GOSR1: variants seen among roughly 807,000 people sequenced by gnomAD.
The protein encoded by GOSR1 is 28 kDa Golgi SNARE protein.
A neutral mutation model predicts 35.5 loss-of-function variants in GOSR1; 21 were observed. The observed-to-expected ratio is 0.59, with a 90% CI of 0.42 to 0.85. The LOEUF is 0.85. Ranked by LOEUF, GOSR1 falls within the 40% of genes least tolerant of loss-of-function variation. The pLI is 0.00. For missense variants in GOSR1, 285 were observed against 309.6 expected (o/e 0.92, Z 0.60); for synonymous variants, 94 against 106.6 (o/e 0.88, Z 0.73).
chr17:30,485,128 A>G (rs1053020495), intron 4 of GOSR1: 1 of 332,090 alleles, frequency 3.0e-6, no homozygotes, highest in African/African-American at 2.1e-5. Flanking sequence ...CTTTGAAGAT[A>G]ATATGGAGGG....
intron 6 of GOSR1, chr17:30,495,435 G>T (rs1313145761): frequency 2.2e-6 from 1 of 455,998 alleles, no homozygotes; most frequent in African/African-American, 2.0e-5. Flanking sequence ...GAGGTTTTCA[G>T]TGGTGAAGAT....
intron 7 of GOSR1, among the ~76,000 whole-genome samples, chr17:30,514,258 A>G (rs1467872467): frequency 2.0e-5 from 3 of 152,112 alleles, no homozygotes; most frequent in Admixed American, 2.0e-4. Flanking sequence ...GATTCTCTAC[A>G]CCTCCAACAT....
At chr17:30,515,908 G>A (rs1050027937) in intron 7 of GOSR1, among the ~76,000 whole-genome samples, 38 of 152,268 alleles carry the variant, frequency 2.5e-4, no homozygotes, top group African/African-American at 7.7e-4. Context: ...AAACACATAG[G>A]AAATCAGGAC....
chr17:30,484,430 A>G (rs1366980630), intron 3 of GOSR1, 129 bp downstream of exon 3: 3 of 696,400 alleles, frequency 4.3e-6, no homozygotes, highest in Admixed American at 4.5e-5. Flanking sequence ...ACCTCCCCAC[A>G]CCACTTGAAT....
chr17:30,478,556 ACT>A (rs1914102334), intron 1 of GOSR1: 1 of 132,298 alleles, frequency 7.6e-6, no homozygotes, highest in Non-Finnish European at 1.6e-5. Context: ...CAGCTAGAAA[ACT>A]TTTTTTTTTT....
chr17:30,503,441 A>G (rs947728332), intron 6 of GOSR1, among the ~76,000 whole-genome samples: 1 of 152,244 alleles, frequency 6.6e-6, no homozygotes, highest in African/African-American at 2.4e-5. Context: ...TTTATAGAAC[A>G]TCTCTGGGCT....
chr17:30,503,234 T>C (rs536057864), intron 6 of GOSR1, among the ~76,000 whole-genome samples: 1 of 152,336 alleles, frequency 6.6e-6, no homozygotes, highest in South Asian at 2.1e-4. Flanking sequence ...ACATGTTTGC[T>C]CTTGAAATGT....
At chr17:30,489,354 G>A (rs1343667548) in intron 4 of GOSR1, among the ~76,000 whole-genome samples, 1 of 152,134 alleles carries the variant, frequency 6.6e-6, no homozygotes, top group Non-Finnish European at 1.5e-5. Context: ...CTATACTCCA[G>A]CCTGAGCGAC....
intron 6 of GOSR1, among the ~76,000 whole-genome samples, chr17:30,503,031 T>A (rs1967272487): frequency 6.6e-6 from 1 of 152,246 alleles, no homozygotes; most frequent in Non-Finnish European, 1.5e-5. Context: ...TGCAAAGGGA[T>A]TGATTTTTAA....
intron 7 of GOSR1, among the ~76,000 whole-genome samples, chr17:30,518,498 A>G (rs1967901874): frequency 1.3e-5 from 2 of 152,074 alleles, no homozygotes; most frequent in East Asian, 1.9e-4. Context: ...TTCTGTTGCT[A>G]TTTATAATGT....
intron 4 of GOSR1, among the ~76,000 whole-genome samples, chr17:30,488,290 G>C (rs1387098521): frequency 6.7e-6 from 1 of 148,944 alleles, no homozygotes; most frequent in African/African-American, 2.5e-5. Flanking sequence ...TCAGCCTCCC[G>C]AGTAGCTGGG....
chr17:30,489,433 T>C (rs1244188726), intron 4 of GOSR1, among the ~76,000 whole-genome samples: 1 of 152,170 alleles, frequency 6.6e-6, no homozygotes, highest in African/African-American at 2.4e-5. Flanking sequence ...AAAATGATGG[T>C]AACAGTTATG....
At chr17:30,490,861 A>G (rs1397486647) in intron 5 of GOSR1, among the ~76,000 whole-genome samples, 2 of 152,098 alleles carry the variant, frequency 1.3e-5, no homozygotes, top group Non-Finnish European at 2.9e-5. Flanking sequence ...ACAACTGAAC[A>G]CTACTGACAA....
At chr17:30,500,214 C>T (rs1967150865) in intron 6 of GOSR1, among the ~76,000 whole-genome samples, 1 of 152,144 alleles carries the variant, frequency 6.6e-6, no homozygotes, top group South Asian at 2.1e-4. Context: ...CTTTCTGATT[C>T]ATGTATTTTG....
chr17:30,501,025 C>T (rs1390643624), intron 6 of GOSR1, among the ~76,000 whole-genome samples: 4 of 151,970 alleles, frequency 2.6e-5, no homozygotes, highest in South Asian at 2.1e-4. Context: ...GGACTACAGG[C>T]GCCTGCCACG....
At chr17:30,521,554 T>C (rs1968034607) in intron 8 of GOSR1, among the ~76,000 whole-genome samples, 1 of 149,158 alleles carries the variant, frequency 6.7e-6, no homozygotes, top group Non-Finnish European at 1.5e-5. Context: ...ATAAGTCACA[T>C]GGGAATTTTA....
chr17:30,489,122 G>A (rs909999928), intron 4 of GOSR1, among the ~76,000 whole-genome samples: 4 of 152,136 alleles, frequency 2.6e-5, no homozygotes, highest in East Asian at 1.9e-4. Flanking sequence ...AGTGGCTCAC[G>A]CCTGTAATCC....
rs1968150311 is a variant in GOSR1 at position 30,524,512 on chromosome 17, T to C, written c.*2134T>C. ...AAACATCAAGAATGACAGTCTTATA[T>C]TTAAGGCACCAGTCATTGTTTCCAT... On this transcript the variant is annotated 3_prime_UTR_variant, in exon 9 of 9. Transcript: ENST00000451249. The C allele has an allele frequency of 6.7e-6, 1 of 149,922 alleles. No individual in the cohort carries two copies. Among genetic ancestry groups the C allele is most frequent in the Non-Finnish European group, 1.5e-5 (1 of 67,726 alleles). 9.3% of individuals were successfully genotyped at this position (149,922 alleles called of 1,614,324 possible).
intron 8 of GOSR1, among the ~76,000 whole-genome samples, chr17:30,521,167 C>CCT (rs1555617867): frequency 4.2e-4 from 27 of 64,222 alleles, no homozygotes; most frequent in African/African-American, 1.8e-3. Context: ...TTCTCTCTCT[C>CCT]TTTTTTTTTT....
Sources: gnomAD v4.1 joint callset for allele counts (sites outside exome capture counted in the v4.1 genomes callset) on GRCh38, gnomAD v4.1.1 for gene constraint, MANE v1.5 for transcripts, NCBI Gene and HGNC (gene_info 2026-07-23, HGNC 2026-07-21) for gene names.